The following EIF2B3 variants were observed in gnomAD, a reference collection of about 807,000 sequenced individuals.
EIF2B3 encodes the protein eukaryotic translation initiation factor 2B subunit gamma, also known as translation initiation factor eIF2B subunit gamma.
Under a neutral mutation model 54.1 loss-of-function variants are expected in EIF2B3, and 20 were observed. That is an observed-to-expected ratio of 0.37 (90% CI 0.26 to 0.54). EIF2B3 has a LOEUF of 0.54. Ranked by LOEUF, EIF2B3 falls within the 20% of genes least tolerant of loss-of-function variation. The pLI, the probability that EIF2B3 is intolerant of heterozygous loss-of-function variation, is 0.86. For synonymous variants in EIF2B3, 153 were observed against 188.1 expected (o/e 0.81, Z 1.52); for missense variants, 448 against 547.8 (o/e 0.82, Z 1.82).
At chr1:44,868,392 C>T (rs572634720) in intron 10 of EIF2B3, among the ~76,000 whole-genome samples, 8 of 111,196 alleles carry the variant, frequency 7.2e-5, no homozygotes, top group South Asian at 6.2e-4. Flanking sequence ...AATGAGACTC[C>T]GTCTCAAAAA....
At chr1:44,949,524 C>T (rs1045348000) in intron 3 of EIF2B3, among the ~76,000 whole-genome samples, 1 of 152,162 alleles carries the variant, frequency 6.6e-6, no homozygotes, top group Non-Finnish European at 1.5e-5. Flanking sequence ...ATTAAAACAT[C>T]TGATTTTAAA....
intron 4 of EIF2B3, among the ~76,000 whole-genome samples, chr1:44,934,419 C>G (rs1461171334): frequency 6.7e-6 from 1 of 148,922 alleles, no homozygotes; most frequent in East Asian, 2.0e-4. Flanking sequence ...CAAAACAAAA[C>G]AAAATTCAAT....
intron 5 of EIF2B3, among the ~76,000 whole-genome samples, chr1:44,917,641 G>GA (rs1306789720): frequency 6.7e-6 from 1 of 149,942 alleles, no homozygotes; most frequent in African/African-American, 2.4e-5. Context: ...GGCTTTTAAT[G>GA]AAAAAAACTG....
chr1:44,869,688 C>T (rs1432585608), intron 10 of EIF2B3, among the ~76,000 whole-genome samples: 2 of 142,230 alleles, frequency 1.4e-5, no homozygotes, highest in Non-Finnish European at 3.0e-5. Context: ...GCAATCTCTG[C>T]CTGCCGGGTT....
intron 6 of EIF2B3, among the ~76,000 whole-genome samples, chr1:44,884,290 T>A (rs557265822): frequency 2.0e-4 from 30 of 152,250 alleles, no homozygotes; most frequent in African/African-American, 7.0e-4. Context: ...TAATGAGGCC[T>A]GAGAGAGGGG....
At chr1:44,984,470 CA>C (rs960654666) in intron 1 of EIF2B3, among the ~76,000 whole-genome samples, 1,948 of 141,624 alleles carry the variant, frequency 0.014, 45 homozygotes, top group African/African-American at 0.046. Context: ...GACCCTGTCC[CA>C]AAAAAAAAAA....
At chr1:44,873,647 A>AT (rs1005119174) in intron 10 of EIF2B3, among the ~76,000 whole-genome samples, 15 of 148,156 alleles carry the variant, frequency 1.0e-4, no homozygotes, top group South Asian at 2.1e-4. Flanking sequence ...TTATTTATTT[A>AT]TTTTTTTTTT....
Position 44,936,298 on chromosome 1 carries a change from G to A in EIF2B3, c.454+5208C>T, listed in dbSNP as rs192650781. 7.1e-3 allele frequency among the ~76,000 whole-genome samples: 1,085 copies of A among 151,932 alleles called. 5 individuals carry two copies. Among genetic ancestry groups the A allele is most frequent in the Non-Finnish European group, 0.01 (694 of 67,966 alleles). On this transcript the variant is annotated intron_variant, in intron 4 of 11. Coordinates refer to ENST00000360403, the MANE Select transcript of EIF2B3 (RefSeq NM_020365.5). The stretch of plus-strand genomic sequence containing the variant: ...TGAATCACTAGAAAAGTTACATGTG[G>A]GCTGGGCGCAGTAGCTCATGGCTGT...
chr1:44,954,866 T>C (rs1344009375), intron 3 of EIF2B3, among the ~76,000 whole-genome samples: 1 of 152,220 alleles, frequency 6.6e-6, no homozygotes, highest in Non-Finnish European at 1.5e-5. Flanking sequence ...GGGTTTGTCA[T>C]AAATAGCTCT....
intron 10 of EIF2B3, among the ~76,000 whole-genome samples, chr1:44,858,477 ATTT>A (rs1314383831): frequency 2.0e-5 from 3 of 151,194 alleles, no homozygotes; most frequent in African/African-American, 7.3e-5. Flanking sequence ...ATTCAAAAAA[ATTT>A]TTTTTTCTTT....
chr1:44,910,626 T>A (rs1302227858), intron 5 of EIF2B3, among the ~76,000 whole-genome samples: 1 of 107,218 alleles, frequency 9.3e-6, no homozygotes, highest in Non-Finnish European at 1.9e-5. Flanking sequence ...CCCCCCCAAG[T>A]AATGCTTTTT....
Position 44,885,901 on chromosome 1 carries a change from AT to A in EIF2B3, c.657-4163del, listed in dbSNP as rs57544990. Among the ~76,000 whole-genome samples, 269 of 133,150 alleles carry A rather than the reference AT, an allele frequency of 2.0e-3. 3 individuals are homozygous for A. The highest frequency in any genetic ancestry group is 3.0e-3 in the African/African-American group (104 of 35,032). The allele number at this position is 133,150 out of a possible 152,430, so 87.4% of individuals were successfully genotyped here. On this transcript the variant is annotated intron_variant, in intron 6 of 11. Transcript: ENST00000360403. ...AGGTGCCTGACACCACGCTTGGCTA[AT>A]TTTTTTTTTTTTTTTTGTATTTTTA...
chr1:44,906,477 T>C (rs760192881), intron 5 of EIF2B3, among the ~76,000 whole-genome samples: 1 of 152,230 alleles, frequency 6.6e-6, no homozygotes, highest in Non-Finnish European at 1.5e-5. Context: ...CTCGACTCAC[T>C]GCAACCTCCG....
At chr1:44,892,219 C>T (rs1427016310) in intron 6 of EIF2B3, among the ~76,000 whole-genome samples, 1 of 152,192 alleles carries the variant, frequency 6.6e-6, no homozygotes, top group Non-Finnish European at 1.5e-5. Flanking sequence ...GCACTTTCCA[C>T]AGGATTTAGA....
intron 3 of EIF2B3, among the ~76,000 whole-genome samples, chr1:44,968,424 T>TA (rs908595945): frequency 6.7e-6 from 1 of 148,470 alleles, no homozygotes; most frequent in Admixed American, 6.7e-5. Context: ...ACTACATATC[T>TA]AAAAAACATG....
chr1:44,893,139 C>T (rs2148912406), intron 6 of EIF2B3, among the ~76,000 whole-genome samples: 1 of 152,304 alleles, frequency 6.6e-6, no homozygotes, highest in Non-Finnish European at 1.5e-5. Flanking sequence ...ATATAGCTCA[C>T]TGTAGCATCA....
intron 10 of EIF2B3, among the ~76,000 whole-genome samples, chr1:44,865,208 C>T (rs58247549): frequency 0.015 from 1,736 of 112,784 alleles, 35 homozygotes; most frequent in African/African-American, 0.052. Flanking sequence ...CAGAGCGAGA[C>T]TCCATCTTAA....
At chr1:44,921,158 A>C (rs574460324) in intron 5 of EIF2B3, among the ~76,000 whole-genome samples, 7 of 152,330 alleles carry the variant, frequency 4.6e-5, no homozygotes, top group African/African-American at 1.7e-4. Context: ...ACACCTTTTC[A>C]TATATCTGCT....
At chr1:44,930,483 G>A (rs1643887443) in intron 4 of EIF2B3, among the ~76,000 whole-genome samples, 3 of 152,180 alleles carry the variant, frequency 2.0e-5, no homozygotes, top group Admixed American at 2.0e-4. Context: ...GACAGTGTGT[G>A]TTTTGAGTTT....
Sources: allele counts gnomAD v4.1 joint callset (sites outside exome capture counted in the v4.1 genomes callset), GRCh38; gene constraint gnomAD v4.1.1; transcripts MANE v1.5; gene names NCBI Gene and HGNC (gene_info 2026-07-23, HGNC 2026-07-21).